The following ERC2 variants were observed in gnomAD, a reference collection of about 807,000 sequenced individuals.
ERC2 encodes the protein ELKS/RAB6-interacting/CAST family member 2.
In ERC2, 42 loss-of-function variants were observed where a neutral mutation model predicts 114.8. The observed-to-expected ratio is 0.37, with a 90% confidence interval of 0.29 to 0.47. ERC2 has a LOEUF of 0.47. Among genes scored for constraint, ERC2 ranks in the 20% least tolerant of loss-of-function variants. The pLI is 0.99. For synonymous variants in ERC2, 454 were observed against 425.5 expected (o/e 1.07, Z -0.82); for missense variants, 939 against 1,150.7 (o/e 0.82, Z 2.66).
intron 3 of ERC2, among the ~76,000 whole-genome samples, chr3:56,224,594 G>T (rs1194378191): frequency 1.3e-5 from 2 of 152,094 alleles, no homozygotes; most frequent in African/African-American, 2.4e-5. Flanking sequence ...GAGCAACTCT[G>T]AAATTATTAT....
At chr3:56,149,882 T>G (rs2081328658) in intron 4 of ERC2, among the ~76,000 whole-genome samples, 1 of 152,056 alleles carries the variant, frequency 6.6e-6, no homozygotes, top group Non-Finnish European at 1.5e-5. Flanking sequence ...AAATTACCAA[T>G]GACAGACTCT....
Position 56,225,086 on chromosome 3 carries a change from G to A in ERC2, c.1075-51566C>T, listed in dbSNP as rs141554897. Among the ~76,000 whole-genome samples the A allele has an allele frequency of 1.6e-4, 25 of 152,022 alleles. No individual in the cohort carries two copies. In the East Asian group the frequency reaches 4.8e-3, roughly 29 times the overall value. On this transcript the variant is annotated intron_variant, in intron 3 of 17. Transcript: ENST00000288221. ...CACCCAGCTCTTCTCATATTCTCCTGCTCTCACTCTTGCCTTCTACCCTAT... is the reference window on the plus strand; with the variant it reads ...CACCCAGCTCTTCTCATATTCTCCTACTCTCACTCTTGCCTTCTACCCTAT...
intron 3 of ERC2, among the ~76,000 whole-genome samples, chr3:56,265,664 C>T (rs548721798): frequency 6.6e-6 from 1 of 152,142 alleles, no homozygotes; most frequent in Admixed American, 6.5e-5. Flanking sequence ...AAAAGGCAGC[C>T]TATGGATTGG....
intron 17 of ERC2, among the ~76,000 whole-genome samples, chr3:55,525,773 G>A (rs1465846945): frequency 6.6e-6 from 1 of 152,152 alleles, no homozygotes; most frequent in Non-Finnish European, 1.5e-5. Flanking sequence ...ACCATGGAAG[G>A]GGAGTGACCT....
chr3:56,376,969 A>G (rs1169556144), intron 2 of ERC2, among the ~76,000 whole-genome samples: 1 of 152,150 alleles, frequency 6.6e-6, no homozygotes, highest in Non-Finnish European at 1.5e-5. Flanking sequence ...TTTCAAGGGT[A>G]AGAAGCACAT....
chr3:56,266,131 ATTTT>A (rs747696056), intron 3 of ERC2, among the ~76,000 whole-genome samples: 1 of 112,268 alleles, frequency 8.9e-6, no homozygotes. Context: ...AAATAACTAG[ATTTT>A]TTTTTTTTTT....
At chr3:56,041,239 C>T (rs1483162782) in intron 7 of ERC2, among the ~76,000 whole-genome samples, 4 of 151,790 alleles carry the variant, frequency 2.6e-5, no homozygotes, top group Non-Finnish European at 4.4e-5. Flanking sequence ...TATCTTTTAC[C>T]TAATAGGAAG....
At chr3:56,182,897 A>G (rs528576715) in intron 3 of ERC2, among the ~76,000 whole-genome samples, 4 of 152,204 alleles carry the variant, frequency 2.6e-5, no homozygotes, top group Non-Finnish European at 5.9e-5. Context: ...TCTGAGACCA[A>G]TGTCCATATT....
intron 6 of ERC2, among the ~76,000 whole-genome samples, chr3:56,100,843 C>T (rs886684321): frequency 6.6e-6 from 1 of 152,078 alleles, no homozygotes; most frequent in African/African-American, 2.4e-5. Context: ...TAAAAATAAG[C>T]TCTTGGTTAT....
At chr3:55,853,362 A>C (rs2061654953) in intron 14 of ERC2, among the ~76,000 whole-genome samples, 1 of 152,158 alleles carries the variant, frequency 6.6e-6, no homozygotes, top group East Asian at 1.9e-4. Flanking sequence ...CCCTGTCTCT[A>C]CAAAACATTA....
intron 14 of ERC2, among the ~76,000 whole-genome samples, chr3:55,776,775 A>G (rs1045260609): frequency 6.6e-6 from 1 of 152,210 alleles, no homozygotes; most frequent in Admixed American, 6.5e-5. Flanking sequence ...GGCTGCTGTG[A>G]GAAGAAAATG....
chr3:55,775,537 A>AAAGT (rs1553668930), intron 14 of ERC2, among the ~76,000 whole-genome samples: 1 of 133,278 alleles, frequency 7.5e-6, no homozygotes. Context: ...ACCCTGTCTC[A>AAAGT]AAATAAATAA....
chr3:56,241,035 C>T (rs1005766923), intron 3 of ERC2, among the ~76,000 whole-genome samples: 1 of 152,070 alleles, frequency 6.6e-6, no homozygotes, highest in Non-Finnish European at 1.5e-5. Context: ...TGTACATATA[C>T]CCATTGTTTA....
rs1189915530 is a variant in ERC2 at position 55,508,903 on chromosome 3, A to G, written c.*2413T>C. The G allele has an allele frequency of 2.0e-5, 3 of 152,638 alleles. No homozygotes were observed. The highest frequency in any genetic ancestry group is 1.3e-4 in the Admixed American group (2 of 15,278). The allele number at this position is 152,638 out of a possible 1,614,324, so 9.5% of individuals were successfully genotyped here. A position where few individuals can be genotyped will look rare whatever the true frequency, so the allele number is the denominator to read the frequency against. ...TTAGCCCAAACTTCTTTTTTCAACT[A>G]TGTTATGATTAGAAGAAAACCTGTT... On this transcript the variant is annotated 3_prime_UTR_variant, in exon 18 of 18. Coordinates refer to ENST00000288221, the MANE Select transcript of ERC2 (RefSeq NM_015576.3).
chr3:55,585,049 G>A (rs887906851), intron 17 of ERC2, among the ~76,000 whole-genome samples: 11 of 152,216 alleles, frequency 7.2e-5, no homozygotes, highest in Admixed American at 5.9e-4. Context: ...AGCTCAGGAG[G>A]AAGCGAGGCT....
chr3:55,766,445 G>A (rs2067799265), intron 14 of ERC2, among the ~76,000 whole-genome samples: 1 of 152,068 alleles, frequency 6.6e-6, no homozygotes, highest in Non-Finnish European at 1.5e-5. Flanking sequence ...TGCAACCTCC[G>A]CCTCCCAGAG....
At chr3:56,405,794 T>G (rs1415450194) in intron 2 of ERC2, among the ~76,000 whole-genome samples, 2 of 152,128 alleles carry the variant, frequency 1.3e-5, no homozygotes, top group African/African-American at 2.4e-5. Context: ...TTATCAATAT[T>G]TAACATAGAA....
chr3:55,859,765 T>C (rs1187908792), intron 14 of ERC2, among the ~76,000 whole-genome samples: 4 of 127,390 alleles, frequency 3.1e-5, no homozygotes, highest in Non-Finnish European at 6.3e-5. Context: ...AGCCAGAACA[T>C]CTAGGTCTCT....
At chr3:55,785,039 T>C (rs79854926) in intron 14 of ERC2, among the ~76,000 whole-genome samples, 137 of 152,294 alleles carry the variant, frequency 9.0e-4, no homozygotes, top group African/African-American at 3.2e-3. Context: ...CATGGTTCAA[T>C]ACTGTGGAGG....
Sources: gnomAD v4.1 joint callset for allele counts (sites outside exome capture counted in the v4.1 genomes callset) on GRCh38, gnomAD v4.1.1 for gene constraint, MANE v1.5 for transcripts, NCBI Gene and HGNC (gene_info 2026-07-23, HGNC 2026-07-21) for gene names.